Variants in ZNF804A observed in about 807,000 individuals in gnomAD.
ZNF804A encodes zinc finger protein 804A.
In ZNF804A, 2 loss-of-function variants were observed where a neutral mutation model predicts 16.5. That is an observed-to-expected ratio of 0.12 (90% CI 0.05 to 0.38). ZNF804A has a LOEUF of 0.38. Among genes scored for constraint, ZNF804A ranks in the 10% least tolerant of loss-of-function variants. The pLI is 0.99. For synonymous variants in ZNF804A, 534 were observed against 489.6 expected, an observed-to-expected ratio of 1.09 and a Z score of -1.20; for missense variants, 1,473 against 1,390.7, an observed-to-expected ratio of 1.06 and a Z score of -0.94.
At chr2:184,698,177 A>C (rs752280690) in intron 1 of ZNF804A, among the ~76,000 whole-genome samples, 3 of 152,112 alleles carry the variant, frequency 2.0e-5, no homozygotes, top group African/African-American at 7.2e-5. Flanking sequence ...CTAGAACAGT[A>C]ACCATCCTAC....
intron 1 of ZNF804A, among the ~76,000 whole-genome samples, chr2:184,646,154 G>A (rs1370670917): frequency 1.3e-5 from 2 of 152,136 alleles, no homozygotes; most frequent in South Asian, 2.1e-4. Flanking sequence ...TGACCACATG[G>A]CATTTAAATT....
At chr2:184,607,660 A>G (rs1270217878) in intron 1 of ZNF804A, among the ~76,000 whole-genome samples, 2 of 152,124 alleles carry the variant, frequency 1.3e-5, no homozygotes, top group Non-Finnish European at 2.9e-5. Flanking sequence ...GGATACAACC[A>G]AACAATATCA....
intron 1 of ZNF804A, among the ~76,000 whole-genome samples, chr2:184,783,138 G>GTTT (rs57207733): frequency 0.17 from 14,753 of 85,754 alleles, 3,378 homozygotes; most frequent in Non-Finnish European, 0.21. Flanking sequence ...AAAAGAGTGA[G>GTTT]TTTTTTTTTT....
At chr2:184,642,789 T>A (rs1238907229) in intron 1 of ZNF804A, among the ~76,000 whole-genome samples, 2 of 152,146 alleles carry the variant, frequency 1.3e-5, no homozygotes, top group Non-Finnish European at 2.9e-5. Flanking sequence ...AAAGAGCACA[T>A]TCTTAAGACC....
intron 2 of ZNF804A, among the ~76,000 whole-genome samples, chr2:184,872,249 T>C (rs1248159187): frequency 2.0e-5 from 3 of 152,146 alleles, no homozygotes; most frequent in Non-Finnish European, 4.4e-5. Context: ...CATCAGTCTT[T>C]GTGATGAAAT....
At chr2:184,652,560 G>A (rs1209353164) in intron 1 of ZNF804A, among the ~76,000 whole-genome samples, 1 of 151,994 alleles carries the variant, frequency 6.6e-6, no homozygotes, top group Non-Finnish European at 1.5e-5. Context: ...CCTGTTCTTG[G>A]CTAATTCCTA....
chr2:184,617,415 T>G (rs1691345224), intron 1 of ZNF804A, among the ~76,000 whole-genome samples: 1 of 151,976 alleles, frequency 6.6e-6, no homozygotes. Context: ...ACAATAAATT[T>G]GTTTAAACAT....
chr2:184,919,728 T>A (rs934434658), intron 2 of ZNF804A, among the ~76,000 whole-genome samples: 2 of 152,150 alleles, frequency 1.3e-5, no homozygotes, highest in Non-Finnish European at 2.9e-5. Flanking sequence ...TCAGTATTTC[T>A]CCTTCCAAAA....
intron 1 of ZNF804A, among the ~76,000 whole-genome samples, chr2:184,786,898 T>G (rs948818453): frequency 1.3e-4 from 20 of 152,080 alleles, no homozygotes; most frequent in Admixed American, 3.9e-4. Context: ...GCAAATATCT[T>G]ACAGCAAATT....
intron 1 of ZNF804A, among the ~76,000 whole-genome samples, chr2:184,627,755 T>C (rs1229475639): frequency 6.6e-6 from 1 of 152,198 alleles, no homozygotes; most frequent in Non-Finnish European, 1.5e-5. Context: ...TAAGAGACAT[T>C]AGAAATGGAT....
intron 1 of ZNF804A, among the ~76,000 whole-genome samples, chr2:184,610,440 T>C (rs899300797): frequency 6.6e-6 from 1 of 151,938 alleles, no homozygotes; most frequent in Admixed American, 6.6e-5. Flanking sequence ...TTGAAGTCAA[T>C]AAGTTAATAG....
intron 1 of ZNF804A, among the ~76,000 whole-genome samples, chr2:184,647,760 C>G (rs886805401): frequency 6.6e-6 from 1 of 152,086 alleles, no homozygotes; most frequent in Non-Finnish European, 1.5e-5. Flanking sequence ...TCTTACAAAA[C>G]ACTGGTATTC....
chr2:184,869,909 C>G lies in ZNF804A; in HGVS notation c.255+3397C>G, dbSNP rs1305995330. On this transcript the variant is annotated intron_variant, in intron 2 of 3. Transcript: ENST00000302277. ...TAACTTTAAAATCTCTCTCACTTAT[C>G]ACTAAGACTTGCTAACAGAGGGTTA... 3.9e-5 allele frequency among the ~76,000 whole-genome samples: 6 copies of G among 152,154 alleles called. No individual in the cohort carries two copies. The East Asian group carries it at 9.6e-4, about 24-fold the overall frequency.
intron 1 of ZNF804A, among the ~76,000 whole-genome samples, chr2:184,675,049 T>G (rs1223690738): frequency 6.6e-6 from 1 of 151,828 alleles, no homozygotes; most frequent in Non-Finnish European, 1.5e-5. Context: ...TGAACATGGC[T>G]GTACATGCAC....
At chr2:184,858,931 A>G (rs1695748021) in intron 1 of ZNF804A, among the ~76,000 whole-genome samples, 1 of 152,158 alleles carries the variant, frequency 6.6e-6, no homozygotes, top group Non-Finnish European at 1.5e-5. Context: ...GCTGGGCACA[A>G]TATTCTTAGC....
chr2:184,792,810 T>C (rs1320475376), intron 1 of ZNF804A, among the ~76,000 whole-genome samples: 1 of 152,110 alleles, frequency 6.6e-6, no homozygotes, highest in South Asian at 2.1e-4. Context: ...AGGAGGTCCA[T>C]GTTCAGGTTT....
intron 1 of ZNF804A, among the ~76,000 whole-genome samples, chr2:184,613,627 T>A (rs1490677153): frequency 6.6e-6 from 1 of 152,102 alleles, no homozygotes; most frequent in African/African-American, 2.4e-5. Context: ...AATTAATTAA[T>A]TCTTCTAAGG....
chr2:184,625,972 C>T (rs991691066), intron 1 of ZNF804A, among the ~76,000 whole-genome samples: 1 of 152,034 alleles, frequency 6.6e-6, no homozygotes. Flanking sequence ...GGGTTCACGC[C>T]GTTCTCCTGC....
rs189519699 is a variant in ZNF804A, at chr2:184,602,863, T to C, written c.111+3793T>C. ...CATATTTCCTTTATAATTTATATGC[T>C]AAATTATGGAATATCTAGGGATCAT... is the stretch of plus-strand genomic sequence containing the variant. On this transcript the variant is annotated intron_variant, in intron 1 of 3. Coordinates refer to ENST00000302277, the MANE Select transcript of ZNF804A (RefSeq NM_194250.2). Among the ~76,000 whole-genome samples, 433 of 152,260 alleles carry C rather than the reference T, an allele frequency of 2.8e-3. 3 individuals carry two copies. The highest frequency in any genetic ancestry group is 1.0e-2 in the African/African-American group (415 of 41,576).
Sources: gnomAD v4.1 joint callset for allele counts (sites outside exome capture counted in the v4.1 genomes callset) on GRCh38, gnomAD v4.1.1 for gene constraint, MANE v1.5 for transcripts, NCBI Gene and HGNC (gene_info 2026-07-23, HGNC 2026-07-21) for gene names.